The following EXOSC9 variants were observed in gnomAD, a reference collection of about 807,000 sequenced individuals.
EXOSC9 encodes the protein exosome component 9.
A neutral mutation model predicts 56.5 loss-of-function variants in EXOSC9; 38 were observed. The ratio of observed to expected loss-of-function variants is 0.67; its 90% CI spans 0.52 to 0.88. EXOSC9 has a LOEUF of 0.88. Ranked by LOEUF, EXOSC9 falls within the 40% of genes least tolerant of loss-of-function variation. The pLI, the probability that EXOSC9 is intolerant of heterozygous loss-of-function variation, is 0.00. For missense variants in EXOSC9, 559 were observed against 530.5 expected (o/e 1.05, Z -0.53); for synonymous variants, 170 against 170.8 (o/e 0.99, Z 0.04).
chr4:121,811,711 AT>A, intron 8 of EXOSC9, 40 bp downstream of exon 8: 1 of 982,844 alleles, frequency 1.0e-6, no homozygotes, highest in Non-Finnish European at 1.5e-6. Context: ...TTTTATTTTC[AT>A]TTTTTAAATT....
chr4:121,804,503 G>T (rs904823065), intron 4 of EXOSC9, 119 bp from the exon 5 acceptor site: 35 of 607,528 alleles, frequency 5.8e-5, no homozygotes, highest in Non-Finnish European at 8.4e-5. Context: ...AAAGTACAAG[G>T]AGTAACTGCG....
At chr4:121,807,711 A>G in intron 6 of EXOSC9, 89 bp downstream of exon 6, 1 of 817,554 alleles carries the variant, frequency 1.2e-6, no homozygotes, top group East Asian at 2.5e-5. Context: ...ATATTAAACA[A>G]ACACTTCCCT....
At chr4:121,807,137 A>G (rs1350038917) in intron 5 of EXOSC9, among the ~76,000 whole-genome samples, 1 of 152,028 alleles carries the variant, frequency 6.6e-6, no homozygotes, top group East Asian at 1.9e-4. Flanking sequence ...CTAAAAATAC[A>G]AAATTAGCCG....
At chr4:121,807,476 G>A in intron 5 of EXOSC9, 64 bp from the exon 6 acceptor site, 1 of 915,092 alleles carries the variant, frequency 1.1e-6, no homozygotes, top group Non-Finnish European at 1.7e-6. Flanking sequence ...TGATGTGCAA[G>A]ATGATTTTTT....
In EXOSC9 at chr4:121,801,859, G is replaced by C; in HGVS notation, c.99G>C (p.Arg33Ser). 6.2e-7 allele frequency: 1 copy of C among 1,613,952 alleles called. No individual in the cohort carries two copies. Among genetic ancestry groups the C allele is most frequent in the South Asian group, 1.1e-5 (1 of 91,064 alleles). Reference protein sequence around the residue: ...RLDGRQTYDYRNIRISFGTDY... With the variant: ...RLDGRQTYDYSNIRISFGTDY... ...ATGGCAGACAAACCTATGATTATAG[G>C]AACATCAGGATCTCATTTGGAACAG... Residue 33 changes from arginine to serine, a missense_variant, in exon 2 of 12, where the codon AGG becomes AGC. Physicochemically the swap from Arg to Ser is moderately radical, Grantham distance 110. Transcript: ENST00000243498.
intron 10 of EXOSC9, chr4:121,816,017 T>A (rs913997585): frequency 6.9e-6 from 8 of 1,158,020 alleles, no homozygotes; most frequent in Non-Finnish European, 8.8e-6. Context: ...TCACCCAGAC[T>A]GGAGTGCAGT....
At chr4:121,805,238 C>G (rs1578498608) in intron 5 of EXOSC9, among the ~76,000 whole-genome samples, 2 of 152,312 alleles carry the variant, frequency 1.3e-5, no homozygotes, top group Admixed American at 6.5e-5. Flanking sequence ...AACGTATAGC[C>G]AGACTACTCC....
intron 9 of EXOSC9, 142 bp from the exon 10 acceptor site, chr4:121,813,724 G>A: frequency 1.7e-6 from 1 of 598,704 alleles, no homozygotes; most frequent in Non-Finnish European, 2.9e-6. Flanking sequence ...GCCATCCATA[G>A]TGTAGCTATA....
rs1199615517 is a variant in EXOSC9, at chr4:121,801,587, G to C, written c.66+97G>C. On this transcript the variant is annotated intron_variant, in intron 1 of 11. Transcript: ENST00000243498. ...CCCGCCTGGGCCCGGGGAGCTACTA[G>C]GGGAACGACCGGCACGTTCACCCCA... 5.1e-6 allele frequency: 6 copies of C among 1,181,176 alleles called. No individual in the cohort carries two copies. The East Asian group carries it at 1.2e-4, about 23-fold the overall frequency. 73.2% of individuals were successfully genotyped at this position (1,181,176 alleles called of 1,614,324 possible). A position where few individuals can be genotyped will look rare whatever the true frequency, so the allele number is the denominator to read the frequency against.
At chr4:121,815,052 C>A (rs139679507) in intron 10 of EXOSC9, 1 of 152,090 alleles carries the variant, frequency 6.6e-6, no homozygotes, top group Non-Finnish European at 1.5e-5. Context: ...ATTACTGGAG[C>A]CTGGGCTTTT....
At chr4:121,816,167 C>T in intron 10 of EXOSC9, 1 of 651,174 alleles carries the variant, frequency 1.5e-6, no homozygotes, top group East Asian at 3.0e-5. Flanking sequence ...CCATGTTGGC[C>T]AGACTGGACT....
rs1462427506 is a variant in EXOSC9, at chr4:121,816,181, G to A, written c.1157-188G>A. ...ACCATGTTGGCCAGACTGGACTCGA[G>A]TTCCTGACCTCAGGTAATCCACCTG... On this transcript the variant is annotated intron_variant, in intron 10 of 11. Coordinates refer to ENST00000243498, the MANE Select transcript of EXOSC9 (RefSeq NM_005033.3). The A allele has an allele frequency of 3.1e-6, 2 of 650,758 alleles. No homozygotes were observed. The highest frequency in any genetic ancestry group is 5.5e-6 in the Non-Finnish European group (2 of 366,484). The allele number at this position is 650,758 out of a possible 1,614,324, so 40.3% of individuals were successfully genotyped here. A position where few individuals can be genotyped will look rare whatever the true frequency, so the allele number is the denominator to read the frequency against.
At chr4:121,814,758 T>TA (rs1724424007) in intron 10 of EXOSC9, 1 of 152,124 alleles carries the variant, frequency 6.6e-6, no homozygotes, top group Non-Finnish European at 1.5e-5. Flanking sequence ...TATTAGAACA[T>TA]AAAAAAATTC....
rs1407362730 is a variant in EXOSC9 at position 121,807,177 on chromosome 4, C to T, written c.523-363C>T. Among the ~76,000 whole-genome samples the T allele has an allele frequency of 2.0e-5, 3 of 152,142 alleles. No homozygotes were observed. In the East Asian group the frequency reaches 5.8e-4, roughly 29 times the overall value. On this transcript the variant is annotated intron_variant, in intron 5 of 11. Coordinates refer to ENST00000243498, the MANE Select transcript of EXOSC9 (RefSeq NM_005033.3). ...TGGTGGCACATGCCTGTAATCCCACCTACTTGGGAGGCTGACATAGGAGAA... is the reference window on the plus strand; with the variant it reads ...TGGTGGCACATGCCTGTAATCCCACTTACTTGGGAGGCTGACATAGGAGAA...
Position 121,811,516 on chromosome 4 carries a change from T to G in EXOSC9, c.739-67T>G, listed in dbSNP as rs535027644. ...ATAAAGGTAGAAAAATTTCATGGTTTTAGTTTCATTAGAGAAAACTATTTG... is the reference window on the plus strand; with the variant it reads ...ATAAAGGTAGAAAAATTTCATGGTTGTAGTTTCATTAGAGAAAACTATTTG... On this transcript the variant is annotated intron_variant, in intron 7 of 11. Transcript: ENST00000243498. 23 of 871,644 alleles carry G rather than the reference T, an allele frequency of 2.6e-5. No individual in the cohort carries two copies. The South Asian group carries it at 4.0e-4, about 15-fold the overall frequency. The allele number at this position is 871,644 out of a possible 1,614,324, so 54.0% of individuals were successfully genotyped here.
At chr4:121,811,700 C>A in intron 8 of EXOSC9, 29 bp downstream of exon 8, 3 of 1,092,848 alleles carry the variant, frequency 2.7e-6, no homozygotes, top group South Asian at 3.4e-5. Context: ...ACTAAGTGGT[C>A]TTTTATTTTC....
rs1397016377 is a variant in EXOSC9 at position 121,801,386 on chromosome 4, C to G, written c.-39C>G. On this transcript the variant is annotated 5_prime_UTR_variant, in exon 1 of 12. Coordinates refer to ENST00000243498, the MANE Select transcript of EXOSC9 (RefSeq NM_005033.3). ...AGGAAAGATCGGGTTCCGTTTTTCCCGCGGATTCTGGTGCCTGTGGGGCCG... is the reference window on the plus strand; with the variant it reads ...AGGAAAGATCGGGTTCCGTTTTTCCGGCGGATTCTGGTGCCTGTGGGGCCG... The G allele has an allele frequency of 3.1e-6, 5 of 1,599,736 alleles. No individual in the cohort carries two copies. The highest frequency in any genetic ancestry group is 1.7e-5 in the Admixed American group (1 of 59,968).
Position 121,810,085 on chromosome 4 carries a change from C to T in EXOSC9, c.724C>T (p.Leu242=), listed in dbSNP as rs1275732545. Residue 242 remains leucine, a synonymous_variant, in exon 7 of 12, where the codon CTA becomes TTA. Transcript: ENST00000243498. ...CTIQSSGGIM[L]LKDQVLRCSK... is the part of the protein sequence containing the mutation. ...TATCCAGTCCAGTGGTGGGATAATG[C>T]TACTAAAAGATCAAGTTAGTGCTTT... 6.2e-7 allele frequency: 1 copy of T among 1,613,410 alleles called. No individual in the cohort carries two copies. The highest frequency in any genetic ancestry group is 8.5e-7 in the Non-Finnish European group (1 of 1,179,566).
Position 121,813,216 on chromosome 4 carries a change from A to G in EXOSC9, c.828-18A>G. The G allele has an allele frequency of 6.3e-7, 1 of 1,590,272 alleles. No homozygotes were observed. The highest frequency in any genetic ancestry group is 8.6e-7 in the Non-Finnish European group (1 of 1,169,100). On this transcript the variant is annotated intron_variant, in intron 8 of 11. Coordinates refer to ENST00000243498, the MANE Select transcript of EXOSC9 (RefSeq NM_005033.3). ...CTTCCTCCCCCTTCCTTCCCACCAA[A>G]AAAACCCCCACATACAGGAAAGAAG... is the stretch of plus-strand genomic sequence containing the variant.
Sources: allele counts gnomAD v4.1 joint callset (sites outside exome capture counted in the v4.1 genomes callset), GRCh38; gene constraint gnomAD v4.1.1; transcripts MANE v1.5; gene names NCBI Gene and HGNC (gene_info 2026-07-23, HGNC 2026-07-21).